The following DSG1 variants were observed in gnomAD, a reference collection of about 807,000 sequenced individuals.
DSG1 encodes the protein desmoglein 1.
Under a neutral mutation model 97.5 loss-of-function variants are expected in DSG1, and 39 were observed. That is an observed-to-expected ratio of 0.40 (90% CI 0.31 to 0.52). The LOEUF (loss-of-function observed/expected upper bound fraction) is 0.52. Among genes scored for constraint, DSG1 ranks in the 20% least tolerant of loss-of-function variants. The probability of loss-of-function intolerance (pLI) is 0.53; values close to 1 mark genes in which losing one functional copy is unlikely to be tolerated. For missense variants in DSG1, 1,311 were observed against 1,295.4 expected (o/e 1.01, Z -0.18); for synonymous variants, 475 against 443.4 (o/e 1.07, Z -0.90).
chr18:31,331,161 G>A (rs927662581), intron 5 of DSG1, among the ~76,000 whole-genome samples: 8 of 152,018 alleles, frequency 5.3e-5, no homozygotes, highest in African/African-American at 1.7e-4. Flanking sequence ...TGCACTTGAC[G>A]AAGGATCACC....
intron 2 of DSG1, 62 bp from the exon 3 acceptor site, chr18:31,326,812 A>C: frequency 6.3e-7 from 1 of 1,576,478 alleles, no homozygotes; most frequent in Non-Finnish European, 8.7e-7. Context: ...CAAAAATCTC[A>C]GTGGAATTTG....
At position 31,342,898 on chromosome 18, in the gene DSG1, A is replaced by ATT. The variant is rs57090132; in HGVS notation, c.1688-534_1688-533dup. 2.9e-3 allele frequency among the ~76,000 whole-genome samples: 237 copies of ATT among 82,804 alleles called. 3 individuals carry two copies. The highest frequency in any genetic ancestry group is 6.3e-3 in the Middle Eastern group (1 of 158). 54.3% of individuals were successfully genotyped at this position (82,804 alleles called of 152,430 possible). A position where few individuals can be genotyped will look rare whatever the true frequency, so the allele number is the denominator to read the frequency against. On this transcript the variant is annotated intron_variant, in intron 11 of 14. Coordinates refer to ENST00000257192, the MANE Select transcript of DSG1 (RefSeq NM_001942.4). ...TTTTAATAATGTAATACTATCTGTG[A>ATT]TTTTTTTTTTTTTTTTTTTGAGAGA...
chr18:31,327,526 C>T (rs11665531), intron 3 of DSG1, among the ~76,000 whole-genome samples: 8,716 of 152,112 alleles, frequency 0.057, 391 homozygotes, highest in South Asian at 0.13. Flanking sequence ...GATACACACA[C>T]GAATATACAC....
chr18:31,336,694 G>A (rs1450276034), intron 9 of DSG1, 81 bp downstream of exon 9: 1 of 1,373,702 alleles, frequency 7.3e-7, no homozygotes, highest in Admixed American at 1.8e-5. Flanking sequence ...ATAAGTATCT[G>A]AGTTAAAATA....
At chr18:31,353,996 C>T (rs1277642996) in intron 14 of DSG1, 23 of 340,128 alleles carry the variant, frequency 6.8e-5, no homozygotes, top group Non-Finnish European at 8.3e-5. Flanking sequence ...GGCTCCTCCT[C>T]GAAACCAATT....
chr18:31,335,639 A>G (rs920280920), intron 8 of DSG1, among the ~76,000 whole-genome samples: 4 of 151,620 alleles, frequency 2.6e-5, no homozygotes, highest in Non-Finnish European at 5.9e-5. Flanking sequence ...GGGGAGTTCA[A>G]TGCGTGAAAT....
chr18:31,346,026 A>G lies in DSG1; in HGVS notation c.1928A>G (p.Gln643Arg). The change falls in exon 14 of 15, where the codon CAA becomes CGA. Residue 643 changes from glutamine (Q) to arginine (R), a missense_variant. Around this residue, in one of 3 missense-constraint regions of DSG1, gnomAD observed 1,038 missense variants for 964.6 expected, o/e 1.08. Transcript: ENST00000257192. ...AATGAGTATGGTGGCAGAGAAATGC[A>G]AGATCTGGGAGGAGGAGAGAGAATG... is the stretch of plus-strand genomic sequence containing the variant. The part of the protein sequence containing the change: ...YTNEYGGREM[Q>R]DLGGGERMTG... 1 of 1,613,918 alleles carries G rather than the reference A, an allele frequency of 6.2e-7. No individual in the cohort carries two copies. Among genetic ancestry groups the G allele is most frequent in the Non-Finnish European group, 8.5e-7 (1 of 1,179,864 alleles).
chr18:31,340,025 T>TG lies in DSG1; in HGVS notation c.1687+1dup. 1 of 1,614,014 alleles carries TG rather than the reference T, an allele frequency of 6.2e-7. No individual in the cohort carries two copies. The highest frequency in any genetic ancestry group is 8.5e-7 in the Non-Finnish European group (1 of 1,179,968). On this transcript the variant is annotated frameshift_variant and splice_region_variant. Coordinates refer to ENST00000257192, the MANE Select transcript of DSG1 (RefSeq NM_001942.4). LOFTEE classifies it high-confidence loss of function. Reference sequence around the variant, plus strand: ...CATCATGGGATTCTTGGTCTTAGGATGTAAGTACTTTAGCAATCCTATGTA... The same window carrying TG: ...CATCATGGGATTCTTGGTCTTAGGATGGTAAGTACTTTAGCAATCCTATGTA...
At position 31,318,187 on chromosome 18, in the gene DSG1, A is replaced by G; in HGVS notation, c.-114A>G. 1 of 947,920 alleles carries G rather than the reference A, an allele frequency of 1.1e-6. No individual in the cohort carries two copies. Among genetic ancestry groups the G allele is most frequent in the East Asian group, 2.4e-5 (1 of 41,716 alleles). The allele number at this position is 947,920 out of a possible 1,614,324, so 58.7% of individuals were successfully genotyped here. On this transcript the variant is annotated 5_prime_UTR_variant, in exon 1 of 15. Coordinates refer to ENST00000257192, the MANE Select transcript of DSG1 (RefSeq NM_001942.4). ...AAACACCTCAAAGCCTGCATGTAAG[A>G]ACATCTACTGAGAAATTATTTTAAT...
chr18:31,336,376 A>G lies in DSG1; in HGVS notation c.1028A>G (p.Gln343Arg). 3 of 1,613,730 alleles carry G rather than the reference A, an allele frequency of 1.9e-6. No individual in the cohort carries two copies. Among genetic ancestry groups the G allele is most frequent in the African/African-American group, 1.3e-5 (1 of 75,040 alleles). Residue 343 changes from glutamine to arginine, a missense_variant, in exon 9 of 15, where the codon CAG becomes CGG. By Grantham distance (43) the Gln-to-Arg change is conservative (BLOSUM62 1). Coordinates refer to ENST00000257192, the MANE Select transcript of DSG1 (RefSeq NM_001942.4). ...TAGCCCTTAGATTATGAAGCTATGC[A>G]GAGTCTGCAACTCAGTATTGGTGTC... ...VVKPLDYEAM[Q>R]SLQLSIGVRN...
chr18:31,346,243 C>T, intron 14 of DSG1, 45 bp downstream of exon 14: 3 of 1,474,988 alleles, frequency 2.0e-6, no homozygotes, highest in Non-Finnish European at 2.8e-6. Flanking sequence ...CATGTGCCTG[C>T]TGCTCTTCAC....
At chr18:31,320,484 C>T (rs571128828) in intron 1 of DSG1, among the ~76,000 whole-genome samples, 3 of 152,228 alleles carry the variant, frequency 2.0e-5, no homozygotes, top group East Asian at 1.9e-4. Context: ...CATCTCAATG[C>T]ATCTGAAGGT....
Position 31,336,583 on chromosome 18 carries a change from T to G in DSG1, c.1235T>G (p.Leu412Arg), listed in dbSNP as rs1375774843. ...DKVGDFVATD[L>R]DTGRPSTTVR... is the part of the protein sequence containing the mutation. The stretch of plus-strand genomic sequence containing the variant: ...GTGGGAGACTTTGTAGCTACTGACC[T>G]GGACACAGGTAGACCTTCAACGACT... The change falls in exon 9 of 15, where the codon CTG (leucine) becomes CGG (arginine). Residue 412 changes from leucine (L) to arginine (R), a missense_variant. This residue lies in a region of DSG1 where 1,038 missense variants were observed against 964.6 expected (regional missense o/e 1.08). Coordinates refer to ENST00000257192, the MANE Select transcript of DSG1 (RefSeq NM_001942.4). The G allele has an allele frequency of 6.2e-7, 1 of 1,614,068 alleles. No homozygotes were observed. Among genetic ancestry groups the G allele is most frequent in the South Asian group, 1.1e-5 (1 of 91,084 alleles).
intron 6 of DSG1, among the ~76,000 whole-genome samples, chr18:31,332,169 C>T (rs2071725443): frequency 6.6e-6 from 1 of 151,658 alleles, no homozygotes; most frequent in South Asian, 2.1e-4. Context: ...TCAAAAGCTC[C>T]ATTTCTCTAA....
In DSG1 at chr18:31,359,049, T is replaced by C. The variant is rs546483196; in HGVS notation, c.*3703T>C. ...CTAGTCTAACTTATTTTTCTTTTGC[T>C]GTCGTTTTACAAGCATTTTAAAATT... On this transcript the variant is annotated 3_prime_UTR_variant, in exon 15 of 15. Transcript: ENST00000257192. Among the ~76,000 whole-genome samples the C allele has an allele frequency of 6.6e-6, 1 of 152,334 alleles. No individual in the cohort carries two copies. Among genetic ancestry groups the C allele is most frequent in the Admixed American group, 6.5e-5 (1 of 15,298 alleles).
intron 14 of DSG1, among the ~76,000 whole-genome samples, chr18:31,346,571 G>C (rs2071839439): frequency 6.6e-6 from 1 of 151,934 alleles, no homozygotes; most frequent in African/African-American, 2.4e-5. Flanking sequence ...CCATGTGTTT[G>C]CTTATCCTGT....
At chr18:31,333,273 T>C (rs2071731579) in intron 6 of DSG1, among the ~76,000 whole-genome samples, 1 of 152,194 alleles carries the variant, frequency 6.6e-6, no homozygotes, top group Admixed American at 6.5e-5. Flanking sequence ...ATGCCATAAA[T>C]TTTTGGTAAA....
At chr18:31,338,188 G>C (rs1416363260) in intron 9 of DSG1, 127 bp from the exon 10 acceptor site, 1 of 983,580 alleles carries the variant, frequency 1.0e-6, no homozygotes, top group African/African-American at 1.7e-5. Context: ...AAAAAATAAA[G>C]TCTCTAGTAA....
At chr18:31,345,809 T>C (rs970949872) in intron 13 of DSG1, among the ~76,000 whole-genome samples, 181 bp from the exon 14 acceptor site, 3 of 152,208 alleles carry the variant, frequency 2.0e-5, no homozygotes, top group African/African-American at 7.2e-5. Flanking sequence ...ATTAACAAAT[T>C]AATAATATTA....
Sources: gnomAD v4.1 joint callset for allele counts (sites outside exome capture counted in the v4.1 genomes callset) on GRCh38, gnomAD v4.1.1 for gene constraint, gnomAD v4.1.1 regional missense constraint, MANE v1.5 for transcripts, NCBI Gene and HGNC (gene_info 2026-07-23, HGNC 2026-07-21) for gene names.